LANCL3: variants seen among roughly 807,000 people sequenced by gnomAD.
LANCL3 encodes the protein lanC-like protein 3.
LANCL3 carries 19 observed loss-of-function variants against 26.5 expected under a neutral mutation model. That is an observed-to-expected ratio of 0.72 (90% CI 0.50 to 1.05). The LOEUF (loss-of-function observed/expected upper bound fraction) is 1.05, where lower values mean the gene tolerates loss of function less well. LANCL3 is among the 50% of genes least tolerant of loss of function. LANCL3 has a pLI of 0.00. For synonymous variants in LANCL3, 160 were observed against 166.6 expected, an observed-to-expected ratio of 0.96 and a Z score of 0.30; for missense variants, 318 against 362.7, an observed-to-expected ratio of 0.88 and a Z score of 1.00.
At chrX:37,654,025 T>C (rs1569469237) in intron 1 of LANCL3, among the ~76,000 whole-genome samples, 1 of 112,125 alleles carries the variant, frequency 8.9e-6, no homozygotes, top group Non-Finnish European at 1.9e-5. Context: ...GTTGCTCTAT[T>C]GTAGACTCTT....
chrX:37,593,062 G>A (rs146685703), intron 1 of LANCL3, among the ~76,000 whole-genome samples: 3,050 of 111,921 alleles, frequency 0.027, 100 homozygotes, highest in African/African-American at 0.092. Context: ...TATCAATCAA[G>A]TGTGAAAGTA....
chrX:37,618,574 C>T (rs782730529), intron 1 of LANCL3, among the ~76,000 whole-genome samples: 7 of 111,766 alleles, frequency 6.3e-5, no homozygotes, highest in Non-Finnish European at 1.1e-4. Flanking sequence ...CTGTTTTATG[C>T]CCCTTCCATA....
chrX:37,630,546 C>A (rs1197488205), intron 1 of LANCL3, among the ~76,000 whole-genome samples: 1 of 107,688 alleles, frequency 9.3e-6, no homozygotes, highest in African/African-American at 3.4e-5. Context: ...AAAGGGAATG[C>A]TTCCAGTTTT....
intron 1 of LANCL3, among the ~76,000 whole-genome samples, chrX:37,622,409 A>C (rs1321293519): frequency 2.8e-5 from 3 of 108,459 alleles, no homozygotes; most frequent in Non-Finnish European, 5.7e-5. Flanking sequence ...TTTTTTTTGC[A>C]AACTCTATCC....
chrX:37,680,583 A>G lies in LANCL3; in HGVS notation c.*4770A>G, dbSNP rs1216491471. 9.0e-6 allele frequency: 1 copy of G among 111,590 alleles called. No individual in the cohort carries two copies. The highest frequency in any genetic ancestry group is 2.8e-4 in the East Asian group (1 of 3,591). The allele number at this position is 111,590 out of a possible 1,213,427, so 9.2% of individuals were successfully genotyped here. ...AACTGAATTTGAAAAAATTAATTAA[A>G]ATAACCGAATCACCCATGTTTTTGT... On this transcript the variant is annotated 3_prime_UTR_variant, in exon 5 of 5. Coordinates refer to ENST00000378619, the MANE Select transcript of LANCL3 (RefSeq NM_001170331.2).
chrX:37,623,916 T>C (rs1264509593), intron 1 of LANCL3, among the ~76,000 whole-genome samples: 3 of 112,278 alleles, frequency 2.7e-5, no homozygotes, highest in Admixed American at 1.9e-4. Flanking sequence ...TTATATGTTG[T>C]GTAGCTTTCT....
chrX:37,596,038 T>C (rs1419741044), intron 1 of LANCL3, among the ~76,000 whole-genome samples: 4 of 112,222 alleles, frequency 3.6e-5, no homozygotes, highest in African/African-American at 1.3e-4. Context: ...AAGTTTACTT[T>C]TACCACAGCT....
chrX:37,628,650 A>G (rs1266653860), intron 1 of LANCL3, among the ~76,000 whole-genome samples: 2 of 82,645 alleles, frequency 2.4e-5, no homozygotes, highest in African/African-American at 9.8e-5. Context: ...TCCTGTGTCC[A>G]TGTGTTCTCA....
At chrX:37,656,125 T>C (rs2146780698) in intron 2 of LANCL3, among the ~76,000 whole-genome samples, 1 of 111,127 alleles carries the variant, frequency 9.0e-6, no homozygotes, top group East Asian at 2.8e-4. Flanking sequence ...CACACACGAT[T>C]GAAAATAGTG....
chrX:37,673,692 A>G (rs1926734725), intron 4 of LANCL3, among the ~76,000 whole-genome samples: 1 of 111,751 alleles, frequency 8.9e-6, no homozygotes, highest in Non-Finnish European at 1.9e-5. Context: ...TTAAGTTGCT[A>G]TGTATCATTT....
At chrX:37,609,682 T>C (rs1214996178) in intron 1 of LANCL3, among the ~76,000 whole-genome samples, 5 of 108,378 alleles carry the variant, frequency 4.6e-5, no homozygotes, top group African/African-American at 1.8e-4. Flanking sequence ...AAAACCAGAG[T>C]GGATGGGATA....
chrX:37,670,127 C>G (rs1313515983), intron 4 of LANCL3, among the ~76,000 whole-genome samples: 2 of 112,023 alleles, frequency 1.8e-5, no homozygotes, highest in Admixed American at 9.5e-5. Context: ...TGTGAAAGCA[C>G]TTGTCAGAAA....
chrX:37,673,456 A>G (rs1302497579), intron 4 of LANCL3, among the ~76,000 whole-genome samples: 1 of 111,220 alleles, frequency 9.0e-6, no homozygotes, highest in Non-Finnish European at 1.9e-5. Flanking sequence ...GTCATAATCA[A>G]TGGGTTTTGA....
At chrX:37,610,037 A>T (rs1924825293) in intron 1 of LANCL3, among the ~76,000 whole-genome samples, 1 of 112,480 alleles carries the variant, frequency 8.9e-6, no homozygotes, top group African/African-American at 3.2e-5. Flanking sequence ...ATTTTGCTAG[A>T]AAATATGCAA....
intron 1 of LANCL3, among the ~76,000 whole-genome samples, chrX:37,576,886 C>T (rs1429196848): frequency 3.6e-5 from 4 of 111,284 alleles, no homozygotes; most frequent in Non-Finnish European, 7.6e-5. Flanking sequence ...GGGCAAGAGC[C>T]CCTAAGGTAG....
At chrX:37,600,334 G>A (rs1254670713) in intron 1 of LANCL3, among the ~76,000 whole-genome samples, 1 of 112,130 alleles carries the variant, frequency 8.9e-6, no homozygotes, top group Non-Finnish European at 1.9e-5. Context: ...CAGTATACAT[G>A]GGGTTCGGTA....
At chrX:37,658,477 C>G (rs1926340411) in intron 2 of LANCL3, among the ~76,000 whole-genome samples, 1 of 111,960 alleles carries the variant, frequency 8.9e-6, no homozygotes, top group Admixed American at 9.4e-5. Context: ...TTCAGGCCTT[C>G]AGTGAATTGG....
intron 1 of LANCL3, among the ~76,000 whole-genome samples, chrX:37,591,412 C>G (rs1556418931): frequency 9.0e-6 from 1 of 111,238 alleles, no homozygotes; most frequent in Non-Finnish European, 1.9e-5. Flanking sequence ...GAATTAGTTG[C>G]AAGTTTGATA....
At chrX:37,574,121 C>A (rs1321017693) in intron 1 of LANCL3, among the ~76,000 whole-genome samples, 1 of 106,709 alleles carries the variant, frequency 9.4e-6, no homozygotes, top group Non-Finnish European at 1.9e-5. Context: ...TGAGCCTGAG[C>A]AAACCAGTTA....
Sources: gnomAD v4.1 joint callset for allele counts (sites outside exome capture counted in the v4.1 genomes callset) on GRCh38, gnomAD v4.1.1 for gene constraint, MANE v1.5 for transcripts, NCBI Gene and HGNC (gene_info 2026-07-23, HGNC 2026-07-21) for gene names.